The following PGR variants were observed in gnomAD, a reference collection of about 807,000 sequenced individuals.
The protein encoded by PGR is progesterone receptor.
A neutral mutation model predicts 76.1 loss-of-function variants in PGR; 25 were observed. The observed-to-expected ratio is 0.33, with a 90% CI of 0.24 to 0.46. PGR has a LOEUF of 0.46. Ranked by LOEUF, PGR falls within the 20% of genes least tolerant of loss-of-function variation. The probability of loss-of-function intolerance (pLI) is 1.00; values close to 1 mark genes in which losing one functional copy is unlikely to be tolerated. For synonymous variants in PGR, 579 were observed against 535.0 expected, an observed-to-expected ratio of 1.08 and a Z score of -1.14; for missense variants, 1,172 against 1,225.3, an observed-to-expected ratio of 0.96 and a Z score of 0.65.
chr11:101,129,217 G>A lies in PGR; in HGVS notation c.-147C>T. On this transcript the variant is annotated 5_prime_UTR_variant, in exon 1 of 8. Transcript: ENST00000325455. Reference sequence around the variant, plus strand: ...CGGAGGGATCTCCACCTCCTGGGTCGGGGGCGGGGGAGGGCGGCGCTGGTC... The same window carrying A: ...CGGAGGGATCTCCACCTCCTGGGTCAGGGGCGGGGGAGGGCGGCGCTGGTC... The A allele has an allele frequency of 4.4e-6, 1 of 226,550 alleles. No individual in the cohort carries two copies. The highest frequency in any genetic ancestry group is 8.8e-6 in the Non-Finnish European group (1 of 113,930). 14.0% of individuals were successfully genotyped at this position (226,550 alleles called of 1,614,324 possible). A position where few individuals can be genotyped will look rare whatever the true frequency, so the allele number is the denominator to read the frequency against.
chr11:101,030,493 C>A lies in PGR; in HGVS notation c.*8623G>T, dbSNP rs1429383239. 4.3e-6 allele frequency: 1 copy of A among 231,176 alleles called. No homozygotes were observed. The highest frequency in any genetic ancestry group is 5.6e-5 in the Admixed American group (1 of 17,730). The allele number at this position is 231,176 out of a possible 1,614,324, so 14.3% of individuals were successfully genotyped here. On this transcript the variant is annotated 3_prime_UTR_variant, in exon 8 of 8. Transcript: ENST00000325455. Reference sequence around the variant, plus strand: ...AGAGTCTCACCCTCTTGACAGAAAACCTCATATGAATACCCAAACCACTTT... The same window carrying A: ...AGAGTCTCACCCTCTTGACAGAAAAACTCATATGAATACCCAAACCACTTT...
chr11:101,044,227 C>T (rs1859787217), intron 6 of PGR, among the ~76,000 whole-genome samples: 1 of 152,216 alleles, frequency 6.6e-6, no homozygotes, highest in Non-Finnish European at 1.5e-5. Context: ...GCAGCTTCTG[C>T]ATCAGCACTT....
intron 3 of PGR, among the ~76,000 whole-genome samples, chr11:101,081,891 C>A (rs1212743219): frequency 1.3e-5 from 2 of 152,170 alleles, no homozygotes; most frequent in Non-Finnish European, 2.9e-5. Flanking sequence ...AACAAGGGAT[C>A]AAAACCTCAC....
In PGR at chr11:101,030,891, A is replaced by C. The variant is rs1051001272; in HGVS notation, c.*8225T>G. ...AGGCTTTCATGATTCAGAAGAAGGA[A>C]GATGTAGGGCAAAGAGGACAAATGC... On this transcript the variant is annotated 3_prime_UTR_variant, in exon 8 of 8. Transcript: ENST00000325455. 1.0e-5 allele frequency: 2 copies of C among 191,772 alleles called. No individual in the cohort carries two copies. Among genetic ancestry groups the C allele is most frequent in the Non-Finnish European group, 2.2e-5 (2 of 91,656 alleles). 11.9% of individuals were successfully genotyped at this position (191,772 alleles called of 1,614,324 possible). A position where few individuals can be genotyped will look rare whatever the true frequency, so the allele number is the denominator to read the frequency against.
Position 101,128,444 on chromosome 11 carries a change from T to G in PGR, c.627A>C (p.Pro209=), listed in dbSNP as rs1236498643. Residue 209 remains proline (P), a synonymous_variant, in exon 1 of 8, where the codon CCA becomes CCC. Coordinates refer to ENST00000325455, the MANE Select transcript of PGR (RefSeq NM_000926.4). The part of the protein sequence containing the change: ...ASESPHWSGA[P]VKPSPQAAAV... Reference sequence around the variant, plus strand: ...CAGCGGCCTGCGGAGACGGCTTCACTGGGGCCCCGGACCAGTGAGGGCTCT... The same window carrying G: ...CAGCGGCCTGCGGAGACGGCTTCACGGGGGCCCCGGACCAGTGAGGGCTCT... The G allele has an allele frequency of 1.2e-6, 2 of 1,610,122 alleles. No homozygotes were observed. Among genetic ancestry groups the G allele is most frequent in the East Asian group, 2.2e-5 (1 of 44,842 alleles).
rs1863031750 is a variant in PGR at position 101,129,505 on chromosome 11, T to C, written c.-435A>G. 9.2e-6 allele frequency: 2 copies of C among 218,396 alleles called. No individual in the cohort carries two copies. The highest frequency in any genetic ancestry group is 4.5e-5 in the African/African-American group (2 of 44,054). The allele number at this position is 218,396 out of a possible 1,614,324, so 13.5% of individuals were successfully genotyped here. On this transcript the variant is annotated 5_prime_UTR_variant, in exon 1 of 8. Transcript: ENST00000325455. ...CTCCTTTATCTCCCGACTTTTTCTCTGGCATCAAACTCGTGCATGCTGTGA... is the reference window on the plus strand; with the variant it reads ...CTCCTTTATCTCCCGACTTTTTCTCCGGCATCAAACTCGTGCATGCTGTGA...
intron 3 of PGR, among the ~76,000 whole-genome samples, chr11:101,079,963 C>T (rs1861248981): frequency 6.6e-6 from 1 of 152,166 alleles, no homozygotes; most frequent in African/African-American, 2.4e-5. Context: ...GCCTCCCATG[C>T]AGAGAATTTG....
intron 3 of PGR, among the ~76,000 whole-genome samples, chr11:101,082,481 T>C (rs1407108394): frequency 6.6e-6 from 1 of 152,142 alleles, no homozygotes. Flanking sequence ...TCCTGGAGAC[T>C]TGTTGAATGG....
chr11:101,074,902 A>C (rs1861069281), intron 3 of PGR, among the ~76,000 whole-genome samples: 1 of 152,190 alleles, frequency 6.6e-6, no homozygotes, highest in African/African-American at 2.4e-5. Flanking sequence ...TACTGACCAA[A>C]GTAATTTATA....
At chr11:101,090,608 C>A (rs2135455108) in intron 3 of PGR, among the ~76,000 whole-genome samples, 1 of 152,290 alleles carries the variant, frequency 6.6e-6, no homozygotes, top group African/African-American at 2.4e-5. Context: ...GTGTGGGACT[C>A]AAAAACAATT....
In PGR at chr11:101,040,441, T is replaced by A. The variant is rs551671149; in HGVS notation, c.2647-1170A>T. ...CCTGTAGCAGTTCTTGAGAAAGTTG[T>A]ATCTGAGGTAAACTCTAGGAGACCT... On this transcript the variant is annotated intron_variant, in intron 7 of 7. Coordinates refer to ENST00000325455, the MANE Select transcript of PGR (RefSeq NM_000926.4). 2.6e-5 allele frequency among the ~76,000 whole-genome samples: 4 copies of A among 152,196 alleles called. No individual in the cohort carries two copies. The East Asian group carries it at 7.7e-4, about 29-fold the overall frequency.
chr11:101,048,625 G>A (rs11571246), intron 6 of PGR, among the ~76,000 whole-genome samples: 1,585 of 152,260 alleles, frequency 0.01, 34 homozygotes, highest in African/African-American at 0.036. Context: ...CACTTGCATA[G>A]GGGACTTAAC....
intron 4 of PGR, among the ~76,000 whole-genome samples, chr11:101,053,153 C>T (rs1362644754): frequency 1.3e-5 from 2 of 152,132 alleles, no homozygotes; most frequent in African/African-American, 2.4e-5. Context: ...TTAAAAACAT[C>T]TATTTTCTCT....
chr11:101,071,244 G>C (rs1423345324), intron 3 of PGR, among the ~76,000 whole-genome samples: 1 of 152,182 alleles, frequency 6.6e-6, no homozygotes, highest in African/African-American at 2.4e-5. Flanking sequence ...CTGACTGTTA[G>C]AAGGAAAACT....
chr11:101,083,996 T>A (rs1196994409), intron 3 of PGR, among the ~76,000 whole-genome samples: 1 of 152,116 alleles, frequency 6.6e-6, no homozygotes, highest in Non-Finnish European at 1.5e-5. Context: ...TGTATCCCCA[T>A]CCAAATCTCA....
intron 5 of PGR, among the ~76,000 whole-genome samples, chr11:101,050,381 G>GAGA (rs1298471192): frequency 3.3e-5 from 5 of 152,078 alleles, no homozygotes; most frequent in Non-Finnish European, 5.9e-5. Flanking sequence ...AGAGGTGTAG[G>GAGA]AGTTGAGAAT....
At chr11:101,116,571 C>G (rs1309488206) in intron 2 of PGR, among the ~76,000 whole-genome samples, 3 of 151,964 alleles carry the variant, frequency 2.0e-5, no homozygotes, top group Non-Finnish European at 4.4e-5. Flanking sequence ...GAAACCCTGT[C>G]TCTACTAAAA....
intron 2 of PGR, among the ~76,000 whole-genome samples, chr11:101,094,676 T>C (rs1400364175): frequency 1.3e-5 from 2 of 152,232 alleles, no homozygotes; most frequent in Admixed American, 6.5e-5. Flanking sequence ...ATGAATTGTA[T>C]TATTAGAGAA....
intron 4 of PGR, among the ~76,000 whole-genome samples, chr11:101,060,608 A>C (rs904281355): frequency 2.0e-5 from 3 of 152,094 alleles, no homozygotes; most frequent in Non-Finnish European, 4.4e-5. Flanking sequence ...TCAAATAGTC[A>C]CTCTAGCTCA....
Sources: gnomAD v4.1 joint callset for allele counts (sites outside exome capture counted in the v4.1 genomes callset) on GRCh38, gnomAD v4.1.1 for gene constraint, MANE v1.5 for transcripts, NCBI Gene and HGNC (gene_info 2026-07-23, HGNC 2026-07-21) for gene names.